The following ZNF563 variants were observed in gnomAD, a reference collection of about 807,000 sequenced individuals.
ZNF563 encodes the protein zinc finger protein 563.
In ZNF563, 39 loss-of-function variants were observed where a neutral mutation model predicts 48.5. The ratio of observed to expected loss-of-function variants is 0.80; its 90% CI spans 0.62 to 1.05. ZNF563 has a LOEUF of 1.05. Ranked by LOEUF, ZNF563 falls within the 50% of genes least tolerant of loss-of-function variation. The pLI, the probability that ZNF563 is intolerant of heterozygous loss-of-function variation, is 0.00. For missense variants in ZNF563, 538 were observed against 597.0 expected (o/e 0.90, Z 1.03); for synonymous variants, 168 against 187.9 (o/e 0.89, Z 0.87).
At chr19:12,343,857 A>T in the ZNF563 span, among the ~76,000 whole-genome samples, 1 of 149,678 alleles carries the variant, frequency 6.7e-6, no homozygotes, top group Non-Finnish European at 1.5e-5. Flanking sequence ...CAGCCTCCCG[A>T]GTATCTAGGA....
intron 1 of ZNF563, among the ~76,000 whole-genome samples, chr19:12,325,835 C>A (rs10411121): frequency 1.3e-5 from 2 of 152,198 alleles, no homozygotes; most frequent in African/African-American, 4.8e-5. Flanking sequence ...TTCAGGAAAT[C>A]TCTATCAGAA....
chr19:12,318,991 C>T lies in ZNF563; in HGVS notation c.1034G>A (p.Gly345Asp), dbSNP rs1238233583. Residue 345 changes from glycine (G) to aspartate (D), a missense_variant, in exon 4 of 4, where the codon GGC becomes GAC. Physicochemically the swap from Gly to Asp is moderately conservative, Grantham distance 94. Coordinates refer to ENST00000293725, the MANE Select transcript of ZNF563 (RefSeq NM_145276.3). ...RPHKCKICGK[G>D]FDRPSLVRYH... is the part of the protein sequence containing the mutation. ...TCGAACTAAACTGGGACGATCAAAG[C>T]CTTTCCCACATATCTTACATTTATG... The T allele has an allele frequency of 6.2e-7, 1 of 1,613,856 alleles. No homozygotes were observed. Among genetic ancestry groups the T allele is most frequent in the East Asian group, 2.2e-5 (1 of 44,830 alleles).
the ZNF563 span, among the ~76,000 whole-genome samples, chr19:12,339,889 CA>C: frequency 6.6e-6 from 1 of 152,128 alleles, no homozygotes; most frequent in South Asian, 2.1e-4. Flanking sequence ...CTAAAGCTGT[CA>C]AAAGCCAAGG....
chr19:12,318,700 A>G lies in ZNF563; in HGVS notation c.1325T>C (p.Met442Thr). The change falls in exon 4 of 4, where the codon ATG (methionine) becomes ACG (threonine). Residue 442 changes from methionine (M) to threonine (T), a missense_variant. Met to Thr is a moderately conservative substitution (Grantham distance 81). Transcript: ENST00000293725. ...TTTATTCGGCCCATCTCCCGTATGC[A>G]TTACCATATGTCTTCGAAAGCTTGA... ...HSSSFRRHMVMHTGDGPNKCK... is the reference protein window; with the variant it reads ...HSSSFRRHMVTHTGDGPNKCK... The G allele has an allele frequency of 6.2e-6, 10 of 1,614,188 alleles. No individual in the cohort carries two copies. Among genetic ancestry groups the G allele is most frequent in the Non-Finnish European group, 8.5e-6 (10 of 1,180,040 alleles).
Position 12,323,006 on chromosome 19 carries a change from T to C in ZNF563, c.4-295A>G, listed in dbSNP as rs116106568. Among the ~76,000 whole-genome samples, 242 of 152,330 alleles carry C rather than the reference T, an allele frequency of 1.6e-3. 1 individual carries two copies. The highest frequency in any genetic ancestry group is 5.6e-3 in the African/African-American group (233 of 41,594). The stretch of plus-strand genomic sequence containing the variant: ...TATTTCTGTAGTAGGTTGTAGTTCT[T>C]GTCAAAGTCCTACTGACAAAGTCCT... On this transcript the variant is annotated intron_variant, in intron 1 of 3. Transcript: ENST00000293725.
chr19:12,322,940 G>A (rs912712214), intron 1 of ZNF563, among the ~76,000 whole-genome samples: 1 of 152,148 alleles, frequency 6.6e-6, no homozygotes, highest in African/African-American at 2.4e-5. Context: ...TCTCTTCTTG[G>A]TGAGTTAAAT....
chr19:12,340,755 C>A, the ZNF563 span, among the ~76,000 whole-genome samples: 7 of 151,358 alleles, frequency 4.6e-5, no homozygotes, highest in Non-Finnish European at 1.0e-4. Flanking sequence ...CCAGTCTGGG[C>A]GACAGAGTAA....
At chr19:12,337,333 G>A (rs1216613371), upstream of ZNF563, among the ~76,000 whole-genome samples, 3 of 152,002 alleles carry the variant, frequency 2.0e-5, no homozygotes, top group Admixed American at 6.6e-5. Flanking sequence ...CTCCCGAGAG[G>A]CTGGGACTGC....
upstream of ZNF563, chr19:12,333,651 C>A: frequency 9.9e-7 from 1 of 1,012,950 alleles, no homozygotes. Context: ...GAGCTGAGCG[C>A]AGGGGCGTGA....
At chr19:12,335,273 A>G (rs1969006120), upstream of ZNF563, among the ~76,000 whole-genome samples, 1 of 152,242 alleles carries the variant, frequency 6.6e-6, no homozygotes, top group African/African-American at 2.4e-5. Context: ...GGCTAGCCTT[A>G]GAAACTAGAA....
chr19:12,323,133 C>G (rs1233456471), intron 1 of ZNF563, among the ~76,000 whole-genome samples: 1 of 152,218 alleles, frequency 6.6e-6, no homozygotes, highest in Admixed American at 6.5e-5. Flanking sequence ...TGTCTAGGAA[C>G]TGGATTTAGG....
At chr19:12,332,077 T>C (rs1968931967) in intron 1 of ZNF563, among the ~76,000 whole-genome samples, 1 of 152,108 alleles carries the variant, frequency 6.6e-6, no homozygotes, top group Non-Finnish European at 1.5e-5. Flanking sequence ...AAATACTGTA[T>C]TTGTTTGAAA....
chr19:12,341,977 G>C, the ZNF563 span, among the ~76,000 whole-genome samples: 1 of 152,104 alleles, frequency 6.6e-6, no homozygotes, highest in Non-Finnish European at 1.5e-5. Context: ...AAACACAAAA[G>C]GTCTTCATAC....
chr19:12,318,708 A>G lies in ZNF563; in HGVS notation c.1317T>C (p.His439=). Residue 439 remains histidine, a synonymous_variant, in exon 4 of 4, where the codon CAT becomes CAC. Coordinates refer to ENST00000293725, the MANE Select transcript of ZNF563 (RefSeq NM_145276.3). ...ALSHSSSFRR[H]MVMHTGDGPN... ...GCCCATCTCCCGTATGCATTACCAT[A>G]TGTCTTCGAAAGCTTGAGCTATGAG... 1 of 1,614,124 alleles carries G rather than the reference A, an allele frequency of 6.2e-7. No homozygotes were observed. The highest frequency in any genetic ancestry group is 1.1e-5 in the South Asian group (1 of 91,086).
At chr19:12,338,878 A>AAAACC in the ZNF563 span, among the ~76,000 whole-genome samples, 8 of 152,140 alleles carry the variant, frequency 5.3e-5, no homozygotes, top group East Asian at 1.5e-3. Flanking sequence ...AAAACAAAAC[A>AAAACC]AAACAACACA....
intron 1 of ZNF563, among the ~76,000 whole-genome samples, chr19:12,323,506 A>G (rs1968691548): frequency 6.6e-6 from 1 of 152,166 alleles, no homozygotes; most frequent in East Asian, 1.9e-4. Context: ...CGAGTTAGGC[A>G]CTCCGGCCCT....
At chr19:12,340,482 A>C in the ZNF563 span, among the ~76,000 whole-genome samples, 1 of 152,164 alleles carries the variant, frequency 6.6e-6, no homozygotes, top group Non-Finnish European at 1.5e-5. Context: ...ACATAAAAAC[A>C]AAAACAGTCA....
intron 1 of ZNF563, among the ~76,000 whole-genome samples, chr19:12,324,193 G>A (rs986675940): frequency 2.0e-5 from 3 of 151,540 alleles, no homozygotes; most frequent in Non-Finnish European, 2.9e-5. Context: ...CCCTGTCTCT[G>A]CAAAAAAATA....
rs1968655833 is a variant in ZNF563 at position 12,322,459 on chromosome 19, T to G, written c.130+126A>C. 16 of 1,049,614 alleles carry G rather than the reference T, an allele frequency of 1.5e-5. No homozygotes were observed. The East Asian group carries it at 6.3e-4, about 41-fold the overall frequency. The allele number at this position is 1,049,614 out of a possible 1,614,324, so 65.0% of individuals were successfully genotyped here. A position where few individuals can be genotyped will look rare whatever the true frequency, so the allele number is the denominator to read the frequency against. On this transcript the variant is annotated intron_variant, in intron 2 of 3. Transcript: ENST00000293725. ...TACAACTTCTTTCAGGGCTGTCACC[T>G]CTGAATTCTGTGTTGTTCAAGAGTC...
Sources: gnomAD v4.1 joint callset for allele counts (sites outside exome capture counted in the v4.1 genomes callset) on GRCh38, gnomAD v4.1.1 for gene constraint, MANE v1.5 for transcripts, NCBI Gene and HGNC (gene_info 2026-07-23, HGNC 2026-07-21) for gene names.